The following ATP6V0E1 variants were observed in gnomAD, a reference collection of about 807,000 sequenced individuals.
ATP6V0E1 encodes V-type proton ATPase subunit e 1.
A neutral mutation model predicts 11.6 loss-of-function variants in ATP6V0E1; 4 were observed. The observed-to-expected ratio is 0.35, with a 90% CI of 0.17 to 0.79. The LOEUF (loss-of-function observed/expected upper bound fraction) is 0.79, where lower values mean the gene tolerates loss of function less well. Among genes scored for constraint, ATP6V0E1 ranks in the 30% least tolerant of loss-of-function variants. The pLI is 0.54. For synonymous variants in ATP6V0E1, 36 were observed against 34.8 expected, an observed-to-expected ratio of 1.04 and a Z score of -0.13; for missense variants, 105 against 100.0, an observed-to-expected ratio of 1.05 and a Z score of -0.21.
chr5:172,984,005 G>A (rs1198134234), intron 1 of ATP6V0E1, 41 bp downstream of exon 1: 2 of 1,584,134 alleles, frequency 1.3e-6, no homozygotes, highest in East Asian at 4.5e-5. Flanking sequence ...CGGGCGGTGA[G>A]GAGCTAGCAG....
At chr5:173,008,660 A>G (rs1479128288) in intron 2 of ATP6V0E1, among the ~76,000 whole-genome samples, 1 of 146,430 alleles carries the variant, frequency 6.8e-6, no homozygotes, top group Non-Finnish European at 1.5e-5. Flanking sequence ...CTGTAATCCC[A>G]GCACTTTGGG....
chr5:172,985,131 G>C lies in ATP6V0E1; in HGVS notation c.104+1167G>C, dbSNP rs1755874609. Among the ~76,000 whole-genome samples the C allele has an allele frequency of 3.3e-5, 5 of 151,756 alleles. No individual in the cohort carries two copies. In the South Asian group the frequency reaches 1.0e-3, roughly 32 times the overall value. Reference sequence around the variant, plus strand: ...GTGGTGGCGGGCGCCTGTAATCCCAGCTACTCGGGAGGCTGAGGCAGGAGA... The same window carrying C: ...GTGGTGGCGGGCGCCTGTAATCCCACCTACTCGGGAGGCTGAGGCAGGAGA... On this transcript the variant is annotated intron_variant, in intron 1 of 3. Transcript: ENST00000519374.
intron 1 of ATP6V0E1, 130 bp downstream of exon 1, chr5:172,984,094 C>G (rs1352580288): frequency 1.2e-6 from 1 of 857,400 alleles, no homozygotes; most frequent in African/African-American, 1.7e-5. Flanking sequence ...AGAGTCAGGC[C>G]CCCGACCCGG....
chr5:173,032,253 A>AT (rs70984930), intron 3 of ATP6V0E1, among the ~76,000 whole-genome samples: 70,233 of 123,150 alleles, frequency 0.57, 19,160 homozygotes, highest in East Asian at 0.7. Context: ...ATTTTATTTT[A>AT]TTTATTTATT....
At chr5:172,994,245 T>G (rs1051857637) in intron 1 of ATP6V0E1, among the ~76,000 whole-genome samples, 4 of 152,136 alleles carry the variant, frequency 2.6e-5, no homozygotes, top group African/African-American at 4.8e-5. Context: ...TGGCAGAGCT[T>G]CTTCTGAGGA....
At chr5:173,002,568 T>G (rs1029010046) in intron 2 of ATP6V0E1, among the ~76,000 whole-genome samples, 1 of 152,236 alleles carries the variant, frequency 6.6e-6, no homozygotes, top group African/African-American at 2.4e-5. Flanking sequence ...TTGACCAGTC[T>G]CCTTCATAAG....
chr5:173,030,600 C>G (rs1308885623), intron 3 of ATP6V0E1, among the ~76,000 whole-genome samples: 1 of 147,946 alleles, frequency 6.8e-6, no homozygotes, highest in African/African-American at 2.5e-5. Flanking sequence ...GCCACCATAC[C>G]CGGCTAATTT....
At chr5:173,015,043 G>T (rs1756382380) in intron 2 of ATP6V0E1, among the ~76,000 whole-genome samples, 1 of 152,186 alleles carries the variant, frequency 6.6e-6, no homozygotes, top group Non-Finnish European at 1.5e-5. Flanking sequence ...CTTAATCAGT[G>T]CTCAGTGGAT....
chr5:173,025,913 G>T (rs983471702), intron 3 of ATP6V0E1, among the ~76,000 whole-genome samples: 2 of 152,108 alleles, frequency 1.3e-5, no homozygotes, highest in African/African-American at 4.8e-5. Context: ...AATCCCAGCT[G>T]TTTGGTGCGG....
chr5:172,993,958 A>T (rs1307112085), intron 1 of ATP6V0E1, among the ~76,000 whole-genome samples: 2 of 152,180 alleles, frequency 1.3e-5, no homozygotes, highest in African/African-American at 4.8e-5. Context: ...TGGAAACCAA[A>T]TGATGGATGA....
intron 3 of ATP6V0E1, among the ~76,000 whole-genome samples, chr5:173,031,678 G>T (rs1213820315): frequency 6.6e-6 from 1 of 151,924 alleles, no homozygotes; most frequent in East Asian, 1.9e-4. Context: ...AATTAGCCAG[G>T]TATAGTGGCG....
At chr5:172,990,205 T>C (rs1276746793) in intron 1 of ATP6V0E1, among the ~76,000 whole-genome samples, 6 of 152,128 alleles carry the variant, frequency 3.9e-5, no homozygotes, top group Non-Finnish European at 8.8e-5. Flanking sequence ...GAAAAAACTC[T>C]TCAGAATTTA....
chr5:173,019,856 TA>T (rs1756453959), intron 2 of ATP6V0E1, among the ~76,000 whole-genome samples: 1 of 152,162 alleles, frequency 6.6e-6, no homozygotes, highest in African/African-American at 2.4e-5. Flanking sequence ...GGAGAATGGA[TA>T]AAATAAGACA....
At chr5:172,984,798 C>G (rs1350429452) in intron 1 of ATP6V0E1, among the ~76,000 whole-genome samples, 1 of 152,140 alleles carries the variant, frequency 6.6e-6, no homozygotes, top group African/African-American at 2.4e-5. Context: ...GGTGAAACTT[C>G]GACTGAAGTC....
chr5:172,984,401 G>C (rs973992458), intron 1 of ATP6V0E1, among the ~76,000 whole-genome samples: 1 of 152,156 alleles, frequency 6.6e-6, no homozygotes, highest in Non-Finnish European at 1.5e-5. Flanking sequence ...CTCCCATGCT[G>C]TCGCGGTTGC....
chr5:173,001,832 C>A (rs1423697481), intron 2 of ATP6V0E1, among the ~76,000 whole-genome samples: 3 of 151,740 alleles, frequency 2.0e-5, no homozygotes, highest in Non-Finnish European at 2.9e-5. Context: ...GATTCTCTTG[C>A]CTCAGCCTCC....
At chr5:173,027,406 G>A (rs990673047) in intron 3 of ATP6V0E1, among the ~76,000 whole-genome samples, 2 of 150,196 alleles carry the variant, frequency 1.3e-5, no homozygotes, top group Non-Finnish European at 3.0e-5. Context: ...GGAGGCTGAG[G>A]CAGGAGAATG....
At chr5:172,999,774 A>G (rs1216500020) in intron 2 of ATP6V0E1, among the ~76,000 whole-genome samples, 1 of 152,198 alleles carries the variant, frequency 6.6e-6, no homozygotes, top group East Asian at 1.9e-4. Flanking sequence ...GTGTATTAAT[A>G]AAGGTGGTAC....
chr5:173,007,435 T>C (rs975007608), intron 2 of ATP6V0E1, among the ~76,000 whole-genome samples: 2 of 152,186 alleles, frequency 1.3e-5, no homozygotes, highest in African/African-American at 4.8e-5. Context: ...TTCCTGGCCA[T>C]ATGGCCCCTC....
Sources: allele counts gnomAD v4.1 joint callset (sites outside exome capture counted in the v4.1 genomes callset), GRCh38; gene constraint gnomAD v4.1.1; transcripts MANE v1.5; gene names NCBI Gene and HGNC (gene_info 2026-07-23, HGNC 2026-07-21).